SPTBN4: variants seen among roughly 807,000 people sequenced by gnomAD.
SPTBN4 encodes spectrin beta chain, non-erythrocytic 4.
A neutral mutation model predicts 277.8 loss-of-function variants in SPTBN4; 96 were observed. That is an observed-to-expected ratio of 0.35 (90% CI 0.29 to 0.41). The LOEUF (loss-of-function observed/expected upper bound fraction) is 0.41, where lower values mean the gene tolerates loss of function less well. Ranked by LOEUF, SPTBN4 falls within the 10% of genes least tolerant of loss-of-function variation. SPTBN4 has a pLI of 1.00. For synonymous variants in SPTBN4, 1,481 were observed against 1,580.3 expected (o/e 0.94, Z 1.49); for missense variants, 3,006 against 3,595.7 (o/e 0.84, Z 4.19).
intron 29 of SPTBN4, among the ~76,000 whole-genome samples, 157 bp downstream of exon 29, chr19:40,565,902 CCTTGCCATTGAATA>C (rs1331168580): frequency 1.3e-5 from 2 of 152,118 alleles, no homozygotes; most frequent in African/African-American, 4.8e-5. Context: ...AAGGGGGCTG[CCTTGCCATTGAATA>C]CCCACCCTTG....
rs1221176679 is a variant in SPTBN4 at position 40,512,603 on chromosome 19, C to T, written c.1817-3C>T. On this transcript the variant is annotated splice_region_variant and splice_polypyrimidine_tract_variant and intron_variant, in intron 13 of 35. Coordinates refer to ENST00000598249, the MANE Select transcript of SPTBN4 (RefSeq NM_020971.3). ...CCTGGATGCTCCCCTTCTCCTGGCT[C>T]AGGCTACCAGCCCTGCGACCCGCAG... 1 of 1,528,738 alleles carries T rather than the reference C, an allele frequency of 6.5e-7. No homozygotes were observed. Among genetic ancestry groups the T allele is most frequent in the South Asian group, 1.2e-5 (1 of 83,972 alleles). The allele number at this position is 1,528,738 out of a possible 1,614,324, so 94.7% of individuals were successfully genotyped here.
chr19:40,519,934 A>C lies in SPTBN4; in HGVS notation c.3437A>C (p.Tyr1146Ser). 3 of 1,555,198 alleles carry C rather than the reference A, an allele frequency of 1.9e-6. No homozygotes were observed. The highest frequency in any genetic ancestry group is 2.6e-6 in the Non-Finnish European group (3 of 1,158,134). ...GAGGTGGACCAGCGCGAGGAAGACTATGCTCGCATCGTGGCGGCCAGCGAG... is the reference window on the plus strand; with the variant it reads ...GAGGTGGACCAGCGCGAGGAAGACTCTGCTCGCATCGTGGCGGCCAGCGAG... ...KEEVDQREED[Y>S]ARIVAASEAL... The change falls in exon 16 of 36, where the codon TAT becomes TCT. Residue 1146 changes from tyrosine (Y) to serine (S), a missense_variant. Tyr to Ser is a moderately radical substitution (Grantham distance 144). This residue lies in a region of SPTBN4 where 1,759 missense variants were observed against 2,061.5 expected (regional missense o/e 0.85). Transcript: ENST00000598249. The surrounding 1 kb of genome is among the most constrained non-coding windows in gnomAD (Gnocchi z 5.7).
At chr19:40,469,297 C>T (rs1215086141) in intron 1 of SPTBN4, among the ~76,000 whole-genome samples, 1 of 151,908 alleles carries the variant, frequency 6.6e-6, no homozygotes, top group Admixed American at 6.6e-5. Context: ...AGGAGTCTTA[C>T]TCTGTCGCCC....
At position 40,519,926 on chromosome 19, in the gene SPTBN4, G is replaced by A. The variant is rs553858828; in HGVS notation, c.3429G>A (p.Glu1143=). 5.8e-6 allele frequency: 9 copies of A among 1,562,452 alleles called. No homozygotes were observed. The African/African-American group carries it at 7.0e-5, about 12-fold the overall frequency. ...AALKEEVDQR[E]EDYARIVAAS... Reference sequence around the variant, plus strand: ...TCAAGGAGGAGGTGGACCAGCGCGAGGAAGACTATGCTCGCATCGTGGCGG... The same window carrying A: ...TCAAGGAGGAGGTGGACCAGCGCGAAGAAGACTATGCTCGCATCGTGGCGG... The change falls in exon 16 of 36, where the codon GAG becomes GAA. Residue 1143 remains glutamate, a synonymous_variant. Transcript: ENST00000598249. This position sits in a 1 kb window ranked among gnomAD's most constrained non-coding sequence, Gnocchi z 5.7.
chr19:40,523,763 T>C (rs2145882964), intron 17 of SPTBN4, 124 bp downstream of exon 17: 1 of 905,226 alleles, frequency 1.1e-6, no homozygotes, highest in Middle Eastern at 3.7e-4. Context: ...TGGGGCTCTT[T>C]CCTATTTCTA....
rs1444292864 is a variant in SPTBN4 at position 40,523,607 on chromosome 19, G to A, written c.3825G>A (p.Gln1275=). ...LLRQGNIYGE[Q]AQEAVTRLLE... is the part of the protein sequence containing the mutation. ...GGCAGGGCAACATCTACGGGGAGCAGGCTCAGGAGGCTGTGACCCGGCTGC... is the reference window on the plus strand; with the variant it reads ...GGCAGGGCAACATCTACGGGGAGCAAGCTCAGGAGGCTGTGACCCGGCTGC... Residue 1275 remains glutamine (Q), a synonymous_variant, in exon 17 of 36, where the codon CAG becomes CAA. Transcript: ENST00000598249. The A allele has an allele frequency of 3.7e-6, 6 of 1,613,352 alleles. No individual in the cohort carries two copies. The highest frequency in any genetic ancestry group is 1.7e-4 in the Middle Eastern group (1 of 6,018).
At chr19:40,513,641 C>T in intron 14 of SPTBN4, 87 bp downstream of exon 14, 1 of 1,327,586 alleles carries the variant, frequency 7.5e-7, no homozygotes, top group Non-Finnish European at 1.0e-6. Context: ...CATGTTTGCT[C>T]AGCTGGAACT....
chr19:40,485,559 A>G (rs1246101948), intron 2 of SPTBN4, among the ~76,000 whole-genome samples: 1 of 152,162 alleles, frequency 6.6e-6, no homozygotes, highest in East Asian at 1.9e-4. Flanking sequence ...TAATCTCAGC[A>G]CTTTGGGAAG....
chr19:40,477,302 G>C (rs1272866757), intron 2 of SPTBN4, among the ~76,000 whole-genome samples: 1 of 151,970 alleles, frequency 6.6e-6, no homozygotes, highest in Non-Finnish European at 1.5e-5. Context: ...TCCCACCTTG[G>C]CCTCCCAAAG....
At chr19:40,537,083 C>T (rs1276509234) in intron 20 of SPTBN4, among the ~76,000 whole-genome samples, 2 of 152,046 alleles carry the variant, frequency 1.3e-5, no homozygotes, top group African/African-American at 4.8e-5. Context: ...GATCTCAGCT[C>T]ACTGCAGCCT....
At position 40,504,140 on chromosome 19, in the gene SPTBN4, C is replaced by A. The variant is rs843779; in HGVS notation, c.1665+8C>A. Reference sequence around the variant, plus strand: ...TGGATGGAGGAGATGCAGGTGCCGGCGGGGGGGCGGGGATGCGGGTGGAGT... The same window carrying A: ...TGGATGGAGGAGATGCAGGTGCCGGAGGGGGGGCGGGGATGCGGGTGGAGT... On this transcript the variant is annotated splice_region_variant and intron_variant, in intron 12 of 35. Coordinates refer to ENST00000598249, the MANE Select transcript of SPTBN4 (RefSeq NM_020971.3). The A allele has an allele frequency of 2.9e-5, 33 of 1,148,702 alleles. 2 individuals are homozygous for A. Among genetic ancestry groups the A allele is most frequent in the African/African-American group, 6.3e-5 (3 of 47,846 alleles). The allele number at this position is 1,148,702 out of a possible 1,614,324, so 71.2% of individuals were successfully genotyped here.
At chr19:40,534,382 A>T in intron 20 of SPTBN4, 39 bp downstream of exon 20, 1 of 1,599,558 alleles carries the variant, frequency 6.3e-7, no homozygotes, top group Non-Finnish European at 8.5e-7. Context: ...TCCCTATGCC[A>T]CATGGGGGCC....
At chr19:40,569,223 C>T (rs1160177246) in intron 31 of SPTBN4, among the ~76,000 whole-genome samples, 4 of 151,890 alleles carry the variant, frequency 2.6e-5, no homozygotes, top group South Asian at 4.2e-4. Context: ...GTCAGAAGTT[C>T]GAGACCAACC....
At chr19:40,484,836 GC>G (rs1599717816) in intron 2 of SPTBN4, among the ~76,000 whole-genome samples, 2 of 151,930 alleles carry the variant, frequency 1.3e-5, no homozygotes, top group East Asian at 3.9e-4. Flanking sequence ...GGAGGCTGAG[GC>G]AGAAGAATGG....
chr19:40,525,545 GC>G (rs2080580768), intron 17 of SPTBN4, among the ~76,000 whole-genome samples: 1 of 152,096 alleles, frequency 6.6e-6, no homozygotes, highest in African/African-American at 2.4e-5. Context: ...AGGAGGAGGA[GC>G]CCGGGGGACT....
At chr19:40,509,370 C>T (rs1188037318) in intron 13 of SPTBN4, among the ~76,000 whole-genome samples, 9 of 152,048 alleles carry the variant, frequency 5.9e-5, no homozygotes. Flanking sequence ...CTCAGCCTCC[C>T]GAGTAGCTGG....
intron 12 of SPTBN4, among the ~76,000 whole-genome samples, chr19:40,504,798 A>G (rs569898628): frequency 6.6e-6 from 1 of 152,220 alleles, no homozygotes; most frequent in East Asian, 1.9e-4. Context: ...CAGTAAGCCA[A>G]GGTGGTGCCA....
chr19:40,513,288 G>A lies in SPTBN4; in HGVS notation c.2499G>A (p.Arg833=). Residue 833 remains arginine (R), a synonymous_variant, in exon 14 of 36, where the codon CGG becomes CGA. Transcript: ENST00000598249. ...EAHRGPVSGL[R]RQLATLGGAS... is the part of the protein sequence containing the mutation. ...ATCGCGGGCCCGTGAGCGGCCTGCG[G>A]CGCCAGCTGGCGACACTCGGGGGTG... 1 of 1,544,586 alleles carries A rather than the reference G, an allele frequency of 6.5e-7. No homozygotes were observed. Among genetic ancestry groups the A allele is most frequent in the Non-Finnish European group, 8.7e-7 (1 of 1,149,950 alleles).
chr19:40,530,543 C>T, intron 18 of SPTBN4: 1 of 980,646 alleles, frequency 1.0e-6, no homozygotes, highest in Non-Finnish European at 1.2e-6. Context: ...GGGCGAGCAC[C>T]CGCCCGCCCG....
Sources: gnomAD v4.1 joint callset for allele counts (sites outside exome capture counted in the v4.1 genomes callset) on GRCh38, gnomAD v4.1.1 for gene constraint, gnomAD v4.1.1 regional missense constraint, Gnocchi (gnomAD v3.1) non-coding constraint, MANE v1.5 for transcripts, NCBI Gene and HGNC (gene_info 2026-07-23, HGNC 2026-07-21) for gene names.